CAMK2D: variants seen among roughly 807,000 people sequenced by gnomAD.
CAMK2D encodes calcium/calmodulin-dependent protein kinase type II subunit delta.
CAMK2D carries 37 observed loss-of-function variants against 84.0 expected under a neutral mutation model. The observed-to-expected ratio is 0.44, with a 90% CI of 0.34 to 0.58. CAMK2D has a LOEUF of 0.58. Ranked by LOEUF, CAMK2D falls within the 20% of genes least tolerant of loss-of-function variation. The probability of loss-of-function intolerance (pLI) is 0.02; values close to 1 mark genes in which losing one functional copy is unlikely to be tolerated. For missense variants in CAMK2D, 448 were observed against 652.5 expected, an observed-to-expected ratio of 0.69 and a Z score of 3.41; for synonymous variants, 202 against 212.5, an observed-to-expected ratio of 0.95 and a Z score of 0.43.
intron 3 of CAMK2D, among the ~76,000 whole-genome samples, chr4:113,658,357 G>C (rs2099211628): frequency 6.6e-6 from 1 of 152,098 alleles, no homozygotes; most frequent in African/African-American, 2.4e-5. Context: ...GGAATCTACT[G>C]ACCTTAGGGC....
chr4:113,742,086 T>C (rs2099594365), intron 2 of CAMK2D, among the ~76,000 whole-genome samples: 1 of 152,156 alleles, frequency 6.6e-6, no homozygotes, highest in South Asian at 2.1e-4. Flanking sequence ...TCATCTTAAC[T>C]CTCTTCACCA....
At chr4:113,704,281 AT>A (rs35305835) in intron 2 of CAMK2D, among the ~76,000 whole-genome samples, 4 of 151,874 alleles carry the variant, frequency 2.6e-5, no homozygotes, top group Admixed American at 6.6e-5. Flanking sequence ...ATAATCTGCA[AT>A]TTTTTTTCCT....
chr4:113,483,108 A>C lies in CAMK2D; in HGVS notation c.1135+17355T>G, dbSNP rs780621072. On this transcript the variant is annotated intron_variant, in intron 16 of 20. Coordinates refer to ENST00000511664, the MANE Select transcript of CAMK2D (RefSeq NM_001321571.2). ...TGGAAGAAACTTTAACATGTAATAA[A>C]ATTTTAATGCAAAAAATAGCTATTC... is the stretch of plus-strand genomic sequence containing the variant. 9.2e-5 allele frequency among the ~76,000 whole-genome samples: 14 copies of C among 152,230 alleles called. No homozygotes were observed. In the Middle Eastern group the frequency reaches 9.5e-3, roughly 103 times the overall value.
chr4:113,720,021 G>C (rs1448561279), intron 2 of CAMK2D, among the ~76,000 whole-genome samples: 1 of 152,086 alleles, frequency 6.6e-6, no homozygotes, highest in Non-Finnish European at 1.5e-5. Flanking sequence ...GGATCACAGA[G>C]ATTTTAACTG....
intron 2 of CAMK2D, among the ~76,000 whole-genome samples, chr4:113,722,338 C>T (rs896702809): frequency 2.0e-5 from 3 of 152,070 alleles, no homozygotes; most frequent in African/African-American, 7.2e-5. Context: ...TGGAATGGCA[C>T]AGTACATTAG....
intron 2 of CAMK2D, among the ~76,000 whole-genome samples, chr4:113,692,505 C>CAT (rs899494142): frequency 6.6e-6 from 1 of 151,968 alleles, no homozygotes; most frequent in African/African-American, 2.4e-5. Flanking sequence ...TTCATACATA[C>CAT]ATATATTCAT....
chr4:113,465,341 C>CTTTTCTCTGAAA, intron 17 of CAMK2D, among the ~76,000 whole-genome samples, 188 bp downstream of exon 17: 1 of 152,220 alleles, frequency 6.6e-6, no homozygotes, highest in Non-Finnish European at 1.5e-5. Context: ...CCTCTGAAAT[C>CTTTTCTCTGAAA]TTTTCTCTGA....
chr4:113,747,319 T>TTTTC (rs1554093408), intron 2 of CAMK2D, among the ~76,000 whole-genome samples: 45,580 of 147,044 alleles, frequency 0.31, 8,128 homozygotes, highest in Admixed American at 0.46. Flanking sequence ...TTTTTTTTTT[T>TTTTC]AAATTCAATA....
At chr4:113,610,284 T>A (rs1046076961) in intron 3 of CAMK2D, among the ~76,000 whole-genome samples, 1 of 152,162 alleles carries the variant, frequency 6.6e-6, no homozygotes, top group Non-Finnish European at 1.5e-5. Context: ...TGATCTTCAC[T>A]GGGAGCAAAA....
rs17636432 is a variant in CAMK2D at position 113,725,196 on chromosome 4, T to C, written c.160+34124A>G. ...AGATTGTGGGAGGAAGGGTCTCAGA[T>C]TGAGTAGCATCAAAATCATGTGTAT... On this transcript the variant is annotated intron_variant, in intron 2 of 20. Coordinates refer to ENST00000511664, the MANE Select transcript of CAMK2D (RefSeq NM_001321571.2). 4.1e-3 allele frequency among the ~76,000 whole-genome samples: 618 copies of C among 152,120 alleles called. 12 individuals are homozygous for C. The East Asian group carries it at 0.07, about 17-fold the overall frequency.
chr4:113,515,912 C>T (rs531950422), intron 9 of CAMK2D, among the ~76,000 whole-genome samples: 18 of 152,276 alleles, frequency 1.2e-4, no homozygotes, highest in Middle Eastern at 3.4e-3. Context: ...GCTACTTCTC[C>T]TTTCTTTACA....
At chr4:113,715,307 G>A (rs1242436926) in intron 2 of CAMK2D, among the ~76,000 whole-genome samples, 2 of 151,928 alleles carry the variant, frequency 1.3e-5, no homozygotes, top group South Asian at 2.1e-4. Context: ...TTTTAACAGT[G>A]AGCATTCTTC....
Position 113,761,438 on chromosome 4 carries a change from A to T in CAMK2D, c.-370T>A. ...AACAGCCAGGCACGGGACGAGTGGC[A>T]AGCAGTTGCGAAACGATCCGCACTG... On this transcript the variant is annotated 5_prime_UTR_variant, in exon 1 of 21. Transcript: ENST00000511664. The T allele has an allele frequency of 2.5e-6, 3 of 1,184,028 alleles. No individual in the cohort carries two copies. The highest frequency in any genetic ancestry group is 3.2e-6 in the Non-Finnish European group (3 of 943,974). 73.3% of individuals were successfully genotyped at this position (1,184,028 alleles called of 1,614,324 possible). A position where few individuals can be genotyped will look rare whatever the true frequency, so the allele number is the denominator to read the frequency against.
At chr4:113,457,204 G>C in intron 19 of CAMK2D, 131 bp downstream of exon 19, 1 of 1,433,334 alleles carries the variant, frequency 7.0e-7, no homozygotes, top group Non-Finnish European at 9.2e-7. Flanking sequence ...TCCCGTGAAG[G>C]CATTTATTTT....
Position 113,509,626 on chromosome 4 carries a change from T to C in CAMK2D, c.984+12A>G. Reference sequence around the variant, plus strand: ...AAGTCAGAAATGGATTAGGGGCATCTGTTTAACTTACCTTTACTCCATCTG... The same window carrying C: ...AAGTCAGAAATGGATTAGGGGCATCCGTTTAACTTACCTTTACTCCATCTG... On this transcript the variant is annotated intron_variant, in intron 13 of 20. Coordinates refer to ENST00000511664, the MANE Select transcript of CAMK2D (RefSeq NM_001321571.2). 6.4e-7 allele frequency: 1 copy of C among 1,564,002 alleles called. No individual in the cohort carries two copies. The highest frequency in any genetic ancestry group is 8.8e-7 in the Non-Finnish European group (1 of 1,134,332).
chr4:113,525,206 T>C (rs1206400745), intron 8 of CAMK2D, among the ~76,000 whole-genome samples: 1 of 152,214 alleles, frequency 6.6e-6, no homozygotes, highest in African/African-American at 2.4e-5. Flanking sequence ...TGACAGCCAC[T>C]AATTTATTAT....
At position 113,761,662 on chromosome 4, in the gene CAMK2D, C is replaced by T; in HGVS notation, c.-594G>A. On this transcript the variant is annotated 5_prime_UTR_variant, in exon 1 of 21. Coordinates refer to ENST00000511664, the MANE Select transcript of CAMK2D (RefSeq NM_001321571.2). ...TCCCTCCGGCGGGCGGCAGCGGCTC[C>T]GGCGAAGCGAGGCACCTTGGCGGCC... The T allele has an allele frequency of 1.0e-6, 1 of 985,058 alleles. No homozygotes were observed. 61.0% of individuals were successfully genotyped at this position (985,058 alleles called of 1,614,324 possible).
chr4:113,617,763 A>G (rs185259828), intron 3 of CAMK2D, among the ~76,000 whole-genome samples: 34 of 152,088 alleles, frequency 2.2e-4, no homozygotes, highest in Admixed American at 1.6e-3. Flanking sequence ...AGCCTCCAGA[A>G]TAGCTGGGAT....
chr4:113,690,290 AAGGTC>A (rs1470014457), intron 2 of CAMK2D, among the ~76,000 whole-genome samples: 1 of 152,194 alleles, frequency 6.6e-6, no homozygotes, highest in Non-Finnish European at 1.5e-5. Flanking sequence ...GGGAGAACAC[AAGGTC>A]ACAGGTCCAT....
Sources: allele counts gnomAD v4.1 joint callset (sites outside exome capture counted in the v4.1 genomes callset), GRCh38; gene constraint gnomAD v4.1.1; transcripts MANE v1.5; gene names NCBI Gene and HGNC (gene_info 2026-07-23, HGNC 2026-07-21).